CD24: variants seen among roughly 807,000 people sequenced by gnomAD.
CD24 encodes signal transducer CD24.
A neutral mutation model predicts 3.6 loss-of-function variants in CD24; 2 were observed. That is an observed-to-expected ratio of 0.56 (90% CI 0.23 to 1.77). The LOEUF (loss-of-function observed/expected upper bound fraction) is 1.77. Ranked by LOEUF, CD24 falls within the 40% of genes most tolerant of loss-of-function variation. The pLI is 0.18. For synonymous variants in CD24, 33 were observed against 44.9 expected, an observed-to-expected ratio of 0.74 and a Z score of 1.06; for missense variants, 62 against 93.6, an observed-to-expected ratio of 0.66 and a Z score of 1.39.
chr6:106,974,558 G>C lies in CD24; in HGVS notation c.69+20C>G. ...ACCCCGGGAACGGCCCTCGAGCCCC[G>C]CCGGGCGCCAGGGCCTCACCTGCGT... On this transcript the variant is annotated intron_variant, in intron 1 of 1. Coordinates refer to ENST00000606017, the MANE Select transcript of CD24 (RefSeq NM_001359084.1). The C allele has an allele frequency of 1.4e-6, 2 of 1,407,990 alleles. No homozygotes were observed. The highest frequency in any genetic ancestry group is 1.9e-6 in the Non-Finnish European group (2 of 1,079,896). The allele number at this position is 1,407,990 out of a possible 1,614,324, so 87.2% of individuals were successfully genotyped here.
At chr6:106,975,481 C>G (rs1222627673), upstream of CD24, 4 of 152,204 alleles carry the variant, frequency 2.6e-5, no homozygotes, top group Admixed American at 6.5e-5. Context: ...CCCGCGGCCG[C>G]GCCCTCCCCG....
chr6:106,974,941 C>G (rs1448941686), upstream of CD24, among the ~76,000 whole-genome samples: 4 of 148,454 alleles, frequency 2.7e-5, no homozygotes, highest in African/African-American at 9.8e-5. Flanking sequence ...CGGGCGGGCG[C>G]CGCTGCAGGT....
chr6:106,973,214 G>T (rs1276287101), intron 1 of CD24, among the ~76,000 whole-genome samples: 1 of 152,134 alleles, frequency 6.6e-6, no homozygotes, highest in Non-Finnish European at 1.5e-5. Context: ...AGGATCTAAA[G>T]ATCCTCTACA....
chr6:106,976,157 T>C (rs1340169550), upstream of CD24, among the ~76,000 whole-genome samples: 1 of 152,232 alleles, frequency 6.6e-6, no homozygotes, highest in Non-Finnish European at 1.5e-5. Flanking sequence ...CCTAGTATGG[T>C]TGTAAATTTG....
At chr6:106,976,594 A>T (rs1431817954), upstream of CD24, among the ~76,000 whole-genome samples, 3 of 152,218 alleles carry the variant, frequency 2.0e-5, no homozygotes, top group African/African-American at 7.2e-5. Context: ...CTATAATCCC[A>T]GCACTTTAGG....
At chr6:106,975,346 G>C (rs1031746704), upstream of CD24, 13 of 151,694 alleles carry the variant, frequency 8.6e-5, no homozygotes, top group Admixed American at 2.6e-4. Context: ...CGGGCGTGGC[G>C]CGGACGCGGG....
chr6:106,974,864 TC>T, upstream of CD24: 1 of 221,970 alleles, frequency 4.5e-6, no homozygotes. Flanking sequence ...CGCTCCGGGT[TC>T]CCCAGCGCCC....
chr6:106,973,484 A>C, intron 1 of CD24: 4 of 390,654 alleles, frequency 1.0e-5, no homozygotes, highest in Non-Finnish European at 9.0e-6. Flanking sequence ...GCGGTGGGGA[A>C]GCGCGTTCCA....
chr6:106,973,825 C>T (rs1008791317), intron 1 of CD24: 1 of 398,528 alleles, frequency 2.5e-6, no homozygotes, highest in Non-Finnish European at 4.4e-6. Flanking sequence ...AGGGAGACCG[C>T]GCTGGTAGCG....
intron 1 of CD24, 139 bp from the exon 2 acceptor site, chr6:106,971,973 T>A (rs926465354): frequency 1.5e-6 from 1 of 648,126 alleles, no homozygotes; most frequent in East Asian, 2.9e-5. Flanking sequence ...CATTAACTTC[T>A]GAATTCTTGC....
At chr6:106,971,855 C>T in intron 1 of CD24, 21 bp from the exon 2 acceptor site, 2 of 1,476,712 alleles carry the variant, frequency 1.4e-6, no homozygotes, top group Non-Finnish European at 1.8e-6. Flanking sequence ...TAAAAAGTTA[C>T]ATGGATACAT....
chr6:106,972,703 T>C (rs1367497430), intron 1 of CD24, among the ~76,000 whole-genome samples: 2 of 152,092 alleles, frequency 1.3e-5, no homozygotes, highest in East Asian at 3.9e-4. Flanking sequence ...TCCTTTGTCA[T>C]GGAACAAAGG....
At chr6:106,974,743 A>G, upstream of CD24, 1 of 1,291,964 alleles carries the variant, frequency 7.7e-7, no homozygotes, top group East Asian at 3.1e-5. Context: ...GAGCGCGGCG[A>G]GCCGGCGAGA....
chr6:106,974,377 G>A, intron 1 of CD24, among the ~76,000 whole-genome samples: 1 of 152,212 alleles, frequency 6.6e-6, no homozygotes, highest in Non-Finnish European at 1.5e-5. Context: ...AGGGCCGTGG[G>A]AGGAGGGGGG....
upstream of CD24, chr6:106,975,296 G>A (rs1018976040): frequency 2.6e-5 from 4 of 152,062 alleles, no homozygotes; most frequent in African/African-American, 9.7e-5. Flanking sequence ...CCTCGGGCAG[G>A]GTTATCTCTC....
At chr6:106,974,022 C>G in intron 1 of CD24, 1 of 397,730 alleles carries the variant, frequency 2.5e-6, no homozygotes, top group East Asian at 3.6e-5. Context: ...AGCCCGGAAC[C>G]GGGGTTTGTT....
At chr6:106,972,494 T>G (rs1228339575) in intron 1 of CD24, among the ~76,000 whole-genome samples, 1 of 152,326 alleles carries the variant, frequency 6.6e-6, no homozygotes, top group East Asian at 1.9e-4. Context: ...GAAAACACCA[T>G]GAAGTCGGAA....
chr6:106,972,244 G>A (rs1429575353), intron 1 of CD24, among the ~76,000 whole-genome samples: 1 of 152,162 alleles, frequency 6.6e-6, no homozygotes. Context: ...TTTAAATATT[G>A]TAACTGAGAC....
At position 106,971,557 on chromosome 6, in the gene CD24, T is replaced by G. The variant is rs1772972978; in HGVS notation, c.*104A>C. ...AATAAAAGGTGTGGAATTAGTAGAT[T>G]CGATGAAGACCTGTTTTTCCTTGCC... On this transcript the variant is annotated 3_prime_UTR_variant, in exon 2 of 2. Transcript: ENST00000606017. 3 of 729,614 alleles carry G rather than the reference T, an allele frequency of 4.1e-6. No individual in the cohort carries two copies. The highest frequency in any genetic ancestry group is 1.8e-5 in the African/African-American group (1 of 55,396). The allele number at this position is 729,614 out of a possible 1,614,324, so 45.2% of individuals were successfully genotyped here. A position where few individuals can be genotyped will look rare whatever the true frequency, so the allele number is the denominator to read the frequency against.
Sources: gnomAD v4.1 joint callset for allele counts (sites outside exome capture counted in the v4.1 genomes callset) on GRCh38, gnomAD v4.1.1 for gene constraint, MANE v1.5 for transcripts, NCBI Gene and HGNC (gene_info 2026-07-23, HGNC 2026-07-21) for gene names.